FBN3: variants seen among roughly 807,000 people sequenced by gnomAD.
The protein encoded by FBN3 is fibrillin-3.
In FBN3, 234 loss-of-function variants were observed where a neutral mutation model predicts 330.1. The ratio of observed to expected loss-of-function variants is 0.71; its 90% CI spans 0.64 to 0.79. The LOEUF (loss-of-function observed/expected upper bound fraction) is 0.79, where lower values mean the gene tolerates loss of function less well. FBN3 is among the 30% of genes least tolerant of loss of function. The probability of loss-of-function intolerance (pLI) is 0.00; values close to 1 mark genes in which losing one functional copy is unlikely to be tolerated. For missense variants in FBN3, 3,606 were observed against 3,886.9 expected, an observed-to-expected ratio of 0.93 and a Z score of 1.92; for synonymous variants, 1,458 against 1,517.3, an observed-to-expected ratio of 0.96 and a Z score of 0.91.
rs575445950 is a variant in FBN3, at chr19:8,149,101, A to T, written c.-18+348T>A. On this transcript the variant is annotated intron_variant, in intron 1 of 63. Coordinates refer to ENST00000600128, the MANE Select transcript of FBN3 (RefSeq NM_032447.5). The surrounding 1 kb of genome is among the most constrained non-coding windows in gnomAD (Gnocchi z 5.5). ...TGTGGAGGCTGAGGGCCAAACAGCGAGGGATACCAAGCTTCGCCGACGGGG... is the reference window on the plus strand; with the variant it reads ...TGTGGAGGCTGAGGGCCAAACAGCGTGGGATACCAAGCTTCGCCGACGGGG... Among the ~76,000 whole-genome samples the T allele has an allele frequency of 5.9e-5, 9 of 152,234 alleles. No homozygotes were observed. The South Asian group carries it at 1.9e-3, about 32-fold the overall frequency.
chr19:8,145,589 G>A (rs2083518596), intron 5 of FBN3, among the ~76,000 whole-genome samples: 1 of 145,284 alleles, frequency 6.9e-6, no homozygotes, highest in Non-Finnish European at 1.5e-5. Flanking sequence ...GCTGAGGCAG[G>A]AGAATGGCGT....
In FBN3 at chr19:8,083,259, T is replaced by C. The variant is rs781085569; in HGVS notation, c.7201A>G (p.Thr2401Ala). ...QAGYTPDATATTCLDMDECSQ... is the reference protein window; with the variant it reads ...QAGYTPDATAATCLDMDECSQ... ...GGGCTGGGCTCACCCAGGCAGGTAG[T>C]AGCAGTAGCATCCGGTGTGTACCCG... Residue 2401 changes from threonine to alanine, a missense_variant, in exon 57 of 64, where the codon ACT (threonine) becomes GCT (alanine). Coordinates refer to ENST00000600128, the MANE Select transcript of FBN3 (RefSeq NM_032447.5). 6.2e-7 allele frequency: 1 copy of C among 1,614,044 alleles called. No individual in the cohort carries two copies. The highest frequency in any genetic ancestry group is 2.2e-5 in the East Asian group (1 of 44,876).
In FBN3 at chr19:8,065,578, C is replaced by T. The variant is rs1000858633; in HGVS notation, c.*341G>A. ...TTGCCATGTCCTGCCAACCCCCTGC[C>T]CCCCGCCAGGGCAAGCCACAGTGCA... On this transcript the variant is annotated 3_prime_UTR_variant, in exon 64 of 64. Coordinates refer to ENST00000600128, the MANE Select transcript of FBN3 (RefSeq NM_032447.5). The T allele has an allele frequency of 7.2e-6, 2 of 275,966 alleles. No individual in the cohort carries two copies. The highest frequency in any genetic ancestry group is 1.3e-5 in the Non-Finnish European group (2 of 148,576). The allele number at this position is 275,966 out of a possible 1,614,324, so 17.1% of individuals were successfully genotyped here.
At chr19:8,080,931 T>C (rs2081764424) in intron 59 of FBN3, 72 bp downstream of exon 59, 11 of 1,148,470 alleles carry the variant, frequency 9.6e-6, no homozygotes, top group Non-Finnish European at 1.0e-5. Context: ...CAACTTGATA[T>C]TTTTTTGGTG....
At position 8,138,258 on chromosome 19, in the gene FBN3, C is replaced by G. The variant is rs377446350; in HGVS notation, c.1084G>C (p.Gly362Arg). The G allele has an allele frequency of 2.2e-5, 35 of 1,611,962 alleles. No homozygotes were observed. In the East Asian group the frequency reaches 7.8e-4, roughly 36 times the overall value. Residue 362 changes from glycine to arginine, a missense_variant, in exon 10 of 64, where the codon GGC (glycine) becomes CGC (arginine). Gly to Arg is a moderately radical substitution (Grantham distance 125). Transcript: ENST00000600128. Reference sequence around the variant, plus strand: ...CCATTGGATCCGAAGCCCAGGAGGCCAGGGAAGAGGCCAGGGTGGCCGGGT... The same window carrying G: ...CCATTGGATCCGAAGCCCAGGAGGCGAGGGAAGAGGCCAGGGTGGCCGGGT... Reference protein sequence around the residue: ...LLPGHPGLFPGLLGFGSNGMG... With the variant: ...LLPGHPGLFPRLLGFGSNGMG...
chr19:8,091,357 C>T, intron 48 of FBN3, 108 bp downstream of exon 48: 1 of 1,426,216 alleles, frequency 7.0e-7, no homozygotes, highest in South Asian at 1.3e-5. Context: ...TCTGCCTGGT[C>T]AGAGCTCCCA....
chr19:8,091,611 G>A (rs1198740622), intron 47 of FBN3, 21 bp from the exon 48 acceptor site: 2 of 1,612,926 alleles, frequency 1.2e-6, no homozygotes, highest in Admixed American at 1.7e-5. Flanking sequence ...AGGGACATGA[G>A]CTGGGTGGGG....
intron 48 of FBN3, among the ~76,000 whole-genome samples, chr19:8,090,664 A>T (rs1200694297): frequency 6.6e-6 from 1 of 151,738 alleles, no homozygotes; most frequent in African/African-American, 2.4e-5. Flanking sequence ...TTGTATTTTT[A>T]GTAGAGACGG....
chr19:8,113,840 A>AC (rs1171450242), intron 30 of FBN3, among the ~76,000 whole-genome samples: 18 of 83,134 alleles, frequency 2.2e-4, no homozygotes, highest in South Asian at 4.6e-4. Context: ...CACTATCTCT[A>AC]CAAAAAAAAA....
At chr19:8,135,936 G>GTTCCCCCCCCC in intron 13 of FBN3, 25 bp downstream of exon 13, 1 of 668,778 alleles carries the variant, frequency 1.5e-6, no homozygotes, top group South Asian at 1.6e-5. Context: ...GGAAGCCCCT[G>GTTCCCCCCCCC]CCCACCCGCC....
chr19:8,089,372 A>G (rs1418916611), intron 51 of FBN3, among the ~76,000 whole-genome samples, 173 bp downstream of exon 51: 1 of 152,278 alleles, frequency 6.6e-6, no homozygotes, highest in African/African-American at 2.4e-5. Context: ...TGAGTGAGCA[A>G]GTGAATTAAT....
intron 33 of FBN3, 43 bp downstream of exon 33, chr19:8,111,015 G>A (rs368667219): frequency 1.1e-5 from 17 of 1,613,950 alleles, no homozygotes; most frequent in African/African-American, 2.7e-5. Context: ...CTGCAGGGGG[G>A]ACCTACCCAC....
chr19:8,092,034 C>T (rs950955425), intron 47 of FBN3, among the ~76,000 whole-genome samples: 11 of 151,852 alleles, frequency 7.2e-5, no homozygotes, highest in East Asian at 3.9e-4. Flanking sequence ...AAAAATTAGC[C>T]GGGTGTGGTG....
At position 8,091,545 on chromosome 19, in the gene FBN3, G is replaced by A. The variant is rs762028404; in HGVS notation, c.5951C>T (p.Thr1984Ile). The change falls in exon 48 of 64, where the codon ACC becomes ATC. Residue 1984 changes from threonine to isoleucine, a missense_variant. Transcript: ENST00000600128. ...GAAGCTCCCAGGGCTGTTGGTACAGGTGCCAAAGAGGCAGAGGTTGGGCTC... is the reference window on the plus strand; with the variant it reads ...GAAGCTCCCAGGGCTGTTGGTACAGATGCCAAAGAGGCAGAGGTTGGGCTC... Reference protein sequence around the residue: ...SEEPNLCLFGTCTNSPGSFQC... With the variant: ...SEEPNLCLFGICTNSPGSFQC... 2.3e-5 allele frequency: 37 copies of A among 1,614,216 alleles called. No individual in the cohort carries two copies. The highest frequency in any genetic ancestry group is 3.1e-5 in the Non-Finnish European group (36 of 1,180,036).
rs566040314 is a variant in FBN3 at position 8,118,673 on chromosome 19, G to A, written c.3337+224C>T. Among the ~76,000 whole-genome samples, 12 of 151,998 alleles carry A rather than the reference G, an allele frequency of 7.9e-5. No homozygotes were observed. The East Asian group carries it at 1.2e-3, about 15-fold the overall frequency. On this transcript the variant is annotated intron_variant, in intron 26 of 63. Coordinates refer to ENST00000600128, the MANE Select transcript of FBN3 (RefSeq NM_032447.5). ...CTTGTACAGACACTCACACATGTGC[G>A]TGTTCATCTAGACACACAAACACAC...
At chr19:8,067,114 TTTCTTC>T (rs963875832) in intron 63 of FBN3, among the ~76,000 whole-genome samples, 1 of 151,544 alleles carries the variant, frequency 6.6e-6, no homozygotes, top group Non-Finnish European at 1.5e-5. Context: ...GATTTCTTTG[TTTCTTC>T]TTCTTTTTCT....
chr19:8,145,942 G>A lies in FBN3; in HGVS notation c.350-4C>T. 6.4e-7 allele frequency: 1 copy of A among 1,550,714 alleles called. No individual in the cohort carries two copies. The highest frequency in any genetic ancestry group is 8.7e-7 in the Non-Finnish European group (1 of 1,146,556). ...CAGCTCACACTGCACCCTGACCCTG[G>A]GGACAGGAAGGCAGGACGCATAGTA... On this transcript the variant is annotated splice_polypyrimidine_tract_variant and splice_region_variant and intron_variant, in intron 4 of 63. Transcript: ENST00000600128.
chr19:8,136,282 C>T lies in FBN3; in HGVS notation c.1373G>A (p.Cys458Tyr), dbSNP rs1227475980. The T allele has an allele frequency of 6.2e-7, 1 of 1,603,492 alleles. No individual in the cohort carries two copies. Among genetic ancestry groups the T allele is most frequent in the Admixed American group, 1.7e-5 (1 of 59,462 alleles). Residue 458 changes from cysteine (C) to tyrosine (Y), a missense_variant, in exon 12 of 64, where the codon TGC becomes TAC. Cys to Tyr is a radical substitution (Grantham distance 194). Coordinates refer to ENST00000600128, the MANE Select transcript of FBN3 (RefSeq NM_032447.5). ...IDVDECTSSPCHHGDCVNIPG... is the reference protein window; with the variant it reads ...IDVDECTSSPYHHGDCVNIPG... ...GATGTTGACGCAGTCACCGTGGTGG[C>T]AGGGGCTGCTGGTGCATTCGTCTAC...
chr19:8,086,118 G>C (rs1407008405), intron 55 of FBN3, 82 bp downstream of exon 55: 1 of 1,086,020 alleles, frequency 9.2e-7, no homozygotes, highest in East Asian at 4.4e-5. Flanking sequence ...GGCAGTGGGG[G>C]GAACAGGCAG....
Sources: gnomAD v4.1 joint callset for allele counts (sites outside exome capture counted in the v4.1 genomes callset) on GRCh38, gnomAD v4.1.1 for gene constraint, Gnocchi (gnomAD v3.1) non-coding constraint, MANE v1.5 for transcripts, NCBI Gene and HGNC (gene_info 2026-07-23, HGNC 2026-07-21) for gene names.